WNK1: variants seen among roughly 807,000 people sequenced by gnomAD.
The protein encoded by WNK1 is WNK lysine deficient protein kinase 1, also known as serine/threonine-protein kinase WNK1.
Under a neutral mutation model 222.8 loss-of-function variants are expected in WNK1, and 38 were observed. The observed-to-expected ratio is 0.17, with a 90% CI of 0.13 to 0.22. WNK1 has a LOEUF of 0.22. Among genes scored for constraint, WNK1 ranks in the 10% least tolerant of loss-of-function variants. The probability of loss-of-function intolerance (pLI) is 1.00; values close to 1 mark genes in which losing one functional copy is unlikely to be tolerated. For missense variants in WNK1, 2,348 were observed against 2,918.4 expected, an observed-to-expected ratio of 0.80 and a Z score of 4.50; for synonymous variants, 1,090 against 1,092.9, an observed-to-expected ratio of 1.00 and a Z score of 0.05.
At position 896,228 on chromosome 12, in the gene WNK1, T is replaced by A. The variant is rs184764148; in HGVS notation, c.5741T>A (p.Ile1914Asn). 1 of 1,614,004 alleles carries A rather than the reference T, an allele frequency of 6.2e-7. No individual in the cohort carries two copies. The highest frequency in any genetic ancestry group is 8.5e-7 in the Non-Finnish European group (1 of 1,180,028). Residue 1914 changes from isoleucine to asparagine, a missense_variant, in exon 24 of 28, where the codon ATC becomes AAC. Ile to Asn is a moderately radical substitution (Grantham distance 149, BLOSUM62 -3). Transcript: ENST00000315939. ...AAACCAGAGCCGAATGGCATAACCA[T>A]CCCTGGTATCTCTTCAGATGTGCCA... is the stretch of plus-strand genomic sequence containing the variant. ...LVKPEPNGIT[I>N]PGISSDVPES...
chr12:879,754 C>A lies in WNK1; in HGVS notation c.2555C>A (p.Ser852Tyr). ...SQIPISTPHV[S>Y]TAQTGFSSLP... The stretch of plus-strand genomic sequence containing the variant: ...ATTCCCATATCAACTCCTCATGTGT[C>A]TACGGCTCAGACAGGTTTCTCATCC... The change falls in exon 11 of 28, where the codon TCT becomes TAT. Residue 852 changes from serine to tyrosine, a missense_variant. Physicochemically the swap from Ser to Tyr is moderately radical, Grantham distance 144 (BLOSUM62 -2). This residue lies in a region of WNK1 where 547 missense variants were observed against 558.3 expected (regional missense o/e 0.98). Coordinates refer to ENST00000315939, the MANE Select transcript of WNK1 (RefSeq NM_018979.4). 1 of 1,614,050 alleles carries A rather than the reference C, an allele frequency of 6.2e-7. No individual in the cohort carries two copies. Among genetic ancestry groups the A allele is most frequent in the South Asian group, 1.1e-5 (1 of 91,076 alleles).
chr12:866,110 T>G (rs7305099), intron 8 of WNK1, among the ~76,000 whole-genome samples: 91,597 of 152,058 alleles, frequency 0.6, 28,091 homozygotes, highest in East Asian at 0.77. Flanking sequence ...CTTTCTGAAC[T>G]AGCAACCCCA....
At chr12:848,439 G>A (rs76371148) in intron 4 of WNK1, among the ~76,000 whole-genome samples, 10,029 of 147,760 alleles carry the variant, frequency 0.068, 394 homozygotes, top group African/African-American at 0.083. Flanking sequence ...AACTTTGATG[G>A]TTACTTTTGT....
In WNK1 at chr12:753,868, C is replaced by T; in HGVS notation, c.303C>T (p.Ser101=). 2 of 1,612,554 alleles carry T rather than the reference C, an allele frequency of 1.2e-6. No individual in the cohort carries two copies. Among genetic ancestry groups the T allele is most frequent in the South Asian group, 2.2e-5 (2 of 91,086 alleles). ...TALELPGLPL[S]LPQPSIPAAV... Reference sequence around the variant, plus strand: ...TGGAGCTTCCCGGCCTTCCTCTTTCCCTGCCCCAGCCCAGCATCCCCGCGG... The same window carrying T: ...TGGAGCTTCCCGGCCTTCCTCTTTCTCTGCCCCAGCCCAGCATCCCCGCGG... Residue 101 remains serine (S), a synonymous_variant, in exon 1 of 28, where the codon TCC becomes TCT. Transcript: ENST00000315939. The surrounding 1 kb of genome is among the most constrained non-coding windows in gnomAD (Gnocchi z 5.2).
chr12:758,796 T>C (rs955247490), intron 1 of WNK1, among the ~76,000 whole-genome samples: 5 of 146,990 alleles, frequency 3.4e-5, no homozygotes, highest in African/African-American at 1.2e-4. Context: ...ATTAGGAGTA[T>C]TGGCAAATTT....
In WNK1 at chr12:827,538, G is replaced by C. The variant is rs967539858; in HGVS notation, c.1153+276G>C. ...AGCCTTTTTTGTTGTTGTTGTTGTTGTTGTTGTTGAGATGGAGTCTCTCTC... is the reference window on the plus strand; with the variant it reads ...AGCCTTTTTTGTTGTTGTTGTTGTTCTTGTTGTTGAGATGGAGTCTCTCTC... On this transcript the variant is annotated intron_variant, in intron 3 of 27. Coordinates refer to ENST00000315939, the MANE Select transcript of WNK1 (RefSeq NM_018979.4). The surrounding 1 kb of genome is among the most constrained non-coding windows in gnomAD (Gnocchi z 4.6). The C allele has an allele frequency of 1.9e-6, 1 of 522,952 alleles. No individual in the cohort carries two copies. The highest frequency in any genetic ancestry group is 1.9e-5 in the African/African-American group (1 of 52,600). The allele number at this position is 522,952 out of a possible 1,614,324, so 32.4% of individuals were successfully genotyped here. A position where few individuals can be genotyped will look rare whatever the true frequency, so the allele number is the denominator to read the frequency against.
intron 1 of WNK1, 95 bp downstream of exon 1, chr12:754,419 C>T (rs759998215): frequency 4.7e-5 from 72 of 1,532,560 alleles, no homozygotes; most frequent in Non-Finnish European, 6.3e-5. Flanking sequence ...TTGGCATTCT[C>T]TGTTGGACTC....
In WNK1 at chr12:885,542, C is replaced by A. The variant is rs553441248; in HGVS notation, c.4738C>A (p.Pro1580Thr). Reference protein sequence around the residue: ...LVIPSVIASTPILPQAAGPTS... With the variant: ...LVIPSVIASTTILPQAAGPTS... ...CATTCCATCAGTGATAGCTTCTACT[C>A]CTATTCTTCCCCAAGCAGCAGGACC... Residue 1580 changes from proline (P) to threonine (T), a missense_variant, in exon 19 of 28, where the codon CCT becomes ACT. This residue lies in a region of WNK1 where 1,144 missense variants were observed against 1,273.6 expected (regional missense o/e 0.90). Transcript: ENST00000315939. 6.2e-7 allele frequency: 1 copy of A among 1,614,110 alleles called. No individual in the cohort carries two copies. Among genetic ancestry groups the A allele is most frequent in the African/African-American group, 1.3e-5 (1 of 75,022 alleles).
At chr12:879,367 T>A (rs546693000) in intron 10 of WNK1, among the ~76,000 whole-genome samples, 1 of 151,830 alleles carries the variant, frequency 6.6e-6, no homozygotes, top group East Asian at 1.9e-4. Context: ...TTAGCCTCTT[T>A]CTCTCCTGCT....
rs758133988 is a variant in WNK1, at chr12:897,547, T to A, written c.6314T>A (p.Leu2105Gln). The change falls in exon 25 of 28, where the codon CTG (leucine) becomes CAG (glutamine). Residue 2105 changes from leucine to glutamine, a missense_variant. Coordinates refer to ENST00000315939, the MANE Select transcript of WNK1 (RefSeq NM_018979.4). ...KHEIESLYTK[L>Q]GKVPPAVIIP... ...GAAATTGAATCTTTGTATACCAAAC[T>A]GGGCAAGGTGCCCCCTGCTGTTATT... is the stretch of plus-strand genomic sequence containing the variant. 6.2e-7 allele frequency: 1 copy of A among 1,613,598 alleles called. No individual in the cohort carries two copies. The highest frequency in any genetic ancestry group is 1.1e-5 in the South Asian group (1 of 91,082).
intron 9 of WNK1, among the ~76,000 whole-genome samples, chr12:873,398 A>G (rs1219820312): frequency 3.9e-5 from 6 of 152,224 alleles, no homozygotes; most frequent in African/African-American, 1.2e-4. Flanking sequence ...GCTAAATGCT[A>G]TCTCTACAGC....
chr12:881,875 A>T (rs200905715), intron 13 of WNK1, 36 bp from the exon 14 acceptor site: 1 of 1,614,044 alleles, frequency 6.2e-7, no homozygotes, highest in Non-Finnish European at 8.5e-7. Context: ...ATCTCATATT[A>T]TAAACTGCAC....
At chr12:834,957 C>G (rs555714536) in intron 4 of WNK1, among the ~76,000 whole-genome samples, 1 of 152,034 alleles carries the variant, frequency 6.6e-6, no homozygotes, top group Non-Finnish European at 1.5e-5. Context: ...ATTGTTTGTA[C>G]GCGTGTCTAT....
chr12:842,504 G>C (rs1211982638), intron 4 of WNK1, among the ~76,000 whole-genome samples: 1 of 151,726 alleles, frequency 6.6e-6, no homozygotes, highest in African/African-American at 2.4e-5. Context: ...ATTTTTTTAG[G>C]TATTTCCCCT....
intron 2 of WNK1, among the ~76,000 whole-genome samples, chr12:825,207 C>G (rs768261281): frequency 2.0e-4 from 31 of 152,162 alleles, no homozygotes; most frequent in Admixed American, 6.5e-4. Context: ...CCTTACCCTC[C>G]ATCCAGCATG....
intron 22 of WNK1, among the ~76,000 whole-genome samples, chr12:893,502 G>A (rs553381693): frequency 1.3e-4 from 20 of 152,160 alleles, no homozygotes; most frequent in African/African-American, 4.3e-4. Flanking sequence ...ATTGTTCCCC[G>A]GAAAGGTTTT....
intron 26 of WNK1, 180 bp downstream of exon 26, chr12:900,850 G>A: frequency 2.6e-6 from 2 of 769,446 alleles, no homozygotes; most frequent in South Asian, 1.4e-5. Context: ...TGGGCTCACT[G>A]CTCCCATTAG....
chr12:885,170 A>C lies in WNK1; in HGVS notation c.4366A>C (p.Thr1456Pro). ...GTATCCTTCAGTAACAGTTTCAGCA[A>C]CTTCAGCCTCTGCAGGGGGCAGTAC... ...ALYPSVTVSA[T>P]SASAGGSTAT... The change falls in exon 19 of 28, where the codon ACT (threonine) becomes CCT (proline). Residue 1456 changes from threonine to proline, a missense_variant. By Grantham distance (38) the Thr-to-Pro change is conservative. This residue lies in a region of WNK1 where 1,144 missense variants were observed against 1,273.6 expected (regional missense o/e 0.90). Coordinates refer to ENST00000315939, the MANE Select transcript of WNK1 (RefSeq NM_018979.4). 6.2e-7 allele frequency: 1 copy of C among 1,614,148 alleles called. No homozygotes were observed. Among genetic ancestry groups the C allele is most frequent in the Non-Finnish European group, 8.5e-7 (1 of 1,180,016 alleles).
At chr12:811,503 CACA>C (rs1204671759) in intron 1 of WNK1, among the ~76,000 whole-genome samples, 2 of 152,116 alleles carry the variant, frequency 1.3e-5, no homozygotes, top group Non-Finnish European at 2.9e-5. Flanking sequence ...CAGTTCGTCT[CACA>C]ACATTTTTCT....
Sources: allele counts gnomAD v4.1 joint callset (sites outside exome capture counted in the v4.1 genomes callset), GRCh38; gene constraint gnomAD v4.1.1; regional missense constraint gnomAD v4.1.1; non-coding constraint Gnocchi (gnomAD v3.1); transcripts MANE v1.5; gene names NCBI Gene and HGNC (gene_info 2026-07-23, HGNC 2026-07-21).